Variants in ACER1 observed in about 807,000 individuals in gnomAD.
ACER1 encodes the protein alkaline ceramidase 1, also known as CTB-180A7.3.
ACER1 carries 28 observed loss-of-function variants against 24.9 expected under a neutral mutation model. The ratio of observed to expected loss-of-function variants is 1.13; its 90% CI spans 0.83 to 1.54. ACER1 has a LOEUF of 1.54. Ranked by LOEUF, ACER1 falls within the 40% of genes most tolerant of loss-of-function variation. The pLI, the probability that ACER1 is intolerant of heterozygous loss-of-function variation, is 0.00. For synonymous variants in ACER1, 132 were observed against 131.4 expected, an observed-to-expected ratio of 1.00 and a Z score of -0.03; for missense variants, 352 against 349.3, an observed-to-expected ratio of 1.01 and a Z score of -0.06.
the ACER1 span, among the ~76,000 whole-genome samples, chr19:6,356,172 C>T: frequency 7.3e-3 from 1,078 of 147,306 alleles, 13 homozygotes; most frequent in African/African-American, 0.027. Flanking sequence ...GTGACCTTAC[C>T]CCCAACCCTG....
intron 4 of ACER1, among the ~76,000 whole-genome samples, chr19:6,309,056 G>A (rs928079820): frequency 5.3e-5 from 8 of 151,828 alleles, no homozygotes; most frequent in African/African-American, 1.2e-4. Context: ...AAAATTAGCC[G>A]AGCATGGTGG....
upstream of ACER1, among the ~76,000 whole-genome samples, chr19:6,337,432 G>T (rs867729385): frequency 6.0e-5 from 9 of 150,884 alleles, no homozygotes; most frequent in Non-Finnish European, 1.3e-4. Context: ...TTCCATTCAC[G>T]GTAGGGTTAC....
At chr19:6,347,108 AAATAT>A in the ACER1 span, among the ~76,000 whole-genome samples, 2 of 124,586 alleles carry the variant, frequency 1.6e-5, no homozygotes, top group African/African-American at 6.9e-5. Flanking sequence ...CAAAAAAAAA[AAATAT>A]ATATATATAT....
the ACER1 span, among the ~76,000 whole-genome samples, chr19:6,346,519 C>CTTT: frequency 3.1e-5 from 4 of 130,952 alleles, no homozygotes; most frequent in Non-Finnish European, 4.9e-5. Context: ...TTTTTCTTTT[C>CTTT]TTTTTTTTTT....
upstream of ACER1, chr19:6,333,757 C>A (rs1377482978): frequency 1.7e-5 from 9 of 518,150 alleles, no homozygotes; most frequent in East Asian, 1.3e-4. Context: ...AGCCGTGGGA[C>A]TGGCACTGTC....
rs897844837 is a variant in ACER1 at position 6,333,600 on chromosome 19, C to T, written c.-49G>A. ...CCGGCTGCGCCCGGCAGAGAGAAGG[C>T]GAGCTTGGGAAGGCTGGGCCCTGAT... On this transcript the variant is annotated 5_prime_UTR_variant, in exon 1 of 6. Transcript: ENST00000301452. 22 of 1,501,916 alleles carry T rather than the reference C, an allele frequency of 1.5e-5. No individual in the cohort carries two copies. Among genetic ancestry groups the T allele is most frequent in the South Asian group, 4.9e-5 (4 of 82,096 alleles). 93.0% of individuals were successfully genotyped at this position (1,501,916 alleles called of 1,614,324 possible).
chr19:6,341,251 A>G, the ACER1 span, among the ~76,000 whole-genome samples: 1 of 146,686 alleles, frequency 6.8e-6, no homozygotes, highest in South Asian at 2.4e-4. Context: ...TGGAGGTTGC[A>G]GTGAGCCAAG....
Position 6,306,503 on chromosome 19 carries a change from C to T in ACER1, c.*211G>A. The T allele has an allele frequency of 1.8e-6, 1 of 547,996 alleles. No homozygotes were observed. The highest frequency in any genetic ancestry group is 3.2e-6 in the Non-Finnish European group (1 of 317,272). 33.9% of individuals were successfully genotyped at this position (547,996 alleles called of 1,614,324 possible). ...GGTCATGGAGGGGAGATGCACGAGA[C>T]AGCCCCCCACAGTCACCAGGCTGCT... On this transcript the variant is annotated 3_prime_UTR_variant, in exon 6 of 6. Transcript: ENST00000301452.
the ACER1 span, among the ~76,000 whole-genome samples, chr19:6,339,166 C>T: frequency 7.9e-5 from 12 of 152,146 alleles, no homozygotes; most frequent in South Asian, 1.0e-3. Context: ...CATGAGCCAC[C>T]GCACCCAGCC....
chr19:6,312,604 A>C, intron 1 of ACER1, 105 bp from the exon 2 acceptor site: 1 of 794,770 alleles, frequency 1.3e-6, no homozygotes, highest in Non-Finnish European at 2.2e-6. Context: ...TACCTGCTGC[A>C]TTTCAGGCAA....
chr19:6,355,656 G>A, the ACER1 span, among the ~76,000 whole-genome samples: 74 of 134,402 alleles, frequency 5.5e-4, 1 homozygote, highest in East Asian at 1.7e-3. Flanking sequence ...CAGCCGCCCC[G>A]TCCGGGAGGT....
At chr19:6,336,521 A>G (rs2091714643), upstream of ACER1, among the ~76,000 whole-genome samples, 3 of 152,114 alleles carry the variant, frequency 2.0e-5, no homozygotes, top group South Asian at 4.2e-4. Flanking sequence ...CGATGTTTCC[A>G]TAAAAAGATA....
At chr19:6,308,405 A>C (rs2091562000) in intron 4 of ACER1, among the ~76,000 whole-genome samples, 2 of 146,768 alleles carry the variant, frequency 1.4e-5, no homozygotes, top group South Asian at 4.3e-4. Flanking sequence ...ATTGCACTCC[A>C]GCCTGGGCGA....
the ACER1 span, among the ~76,000 whole-genome samples, chr19:6,342,363 C>T: frequency 6.7e-6 from 1 of 149,464 alleles, no homozygotes; most frequent in African/African-American, 2.5e-5. Flanking sequence ...AGTTCGAGAC[C>T]AGCCTGGGCA....
chr19:6,341,248 TG>T, the ACER1 span, among the ~76,000 whole-genome samples: 1 of 148,972 alleles, frequency 6.7e-6, no homozygotes, highest in African/African-American at 2.5e-5. Flanking sequence ...AGGTGGAGGT[TG>T]CAGTGAGCCA....
At chr19:6,311,207 G>C (rs908833651) in intron 3 of ACER1, among the ~76,000 whole-genome samples, 1 of 147,454 alleles carries the variant, frequency 6.8e-6, no homozygotes, top group Non-Finnish European at 1.5e-5. Flanking sequence ...AGGGGTCCCA[G>C]AGGTCAATAG....
At chr19:6,337,776 T>A (rs1229685645), upstream of ACER1, among the ~76,000 whole-genome samples, 16 of 143,306 alleles carry the variant, frequency 1.1e-4, no homozygotes, top group East Asian at 3.6e-3. Flanking sequence ...CCTGGGTTCA[T>A]GCCATTCTCC....
intron 1 of ACER1, among the ~76,000 whole-genome samples, chr19:6,313,606 A>G (rs2091591321): frequency 6.6e-6 from 1 of 152,302 alleles, no homozygotes; most frequent in Non-Finnish European, 1.5e-5. Flanking sequence ...AAAACCACGT[A>G]AGGAAAGCTT....
At chr19:6,333,127 C>A (rs1490785226) in intron 1 of ACER1, among the ~76,000 whole-genome samples, 1 of 152,082 alleles carries the variant, frequency 6.6e-6, no homozygotes, top group Non-Finnish European at 1.5e-5. Flanking sequence ...GCACCCTCTG[C>A]CTCCCCCTAC....
Sources: allele counts gnomAD v4.1 joint callset (sites outside exome capture counted in the v4.1 genomes callset), GRCh38; gene constraint gnomAD v4.1.1; transcripts MANE v1.5; gene names NCBI Gene and HGNC (gene_info 2026-07-23, HGNC 2026-07-21).